Variants in EXT1 observed in about 807,000 individuals in gnomAD.
The protein encoded by EXT1 is exostosin glycosyltransferase 1, also known as exostosin-1.
EXT1 carries 20 observed loss-of-function variants against 82.5 expected under a neutral mutation model. The ratio of observed to expected loss-of-function variants is 0.24; its 90% CI spans 0.17 to 0.35. The LOEUF is 0.35. Ranked by LOEUF, EXT1 falls within the 10% of genes least tolerant of loss-of-function variation. EXT1 has a pLI of 1.00. For synonymous variants in EXT1, 348 were observed against 350.8 expected, an observed-to-expected ratio of 0.99 and a Z score of 0.09; for missense variants, 757 against 936.5, an observed-to-expected ratio of 0.81 and a Z score of 2.50.
intron 1 of EXT1, among the ~76,000 whole-genome samples, chr8:118,096,399 G>T (rs1253783054): frequency 6.6e-6 from 1 of 152,084 alleles, no homozygotes; most frequent in African/African-American, 2.4e-5. Flanking sequence ...GAGGCAGGCG[G>T]ATCACGAGGT....
In EXT1 at chr8:117,837,539, AAAG is replaced by A. The variant is rs1812207258; in HGVS notation, c.963-341_963-339del. On this transcript the variant is annotated intron_variant, in intron 1 of 10. Transcript: ENST00000378204. ...AAAATATGTTGCCCCATAGTCTTAA[AAAG>A]AAGAAGAGAAAATTACTGGTGCTTC... Among the ~76,000 whole-genome samples the A allele has an allele frequency of 3.3e-5, 5 of 152,336 alleles. No homozygotes were observed. In the South Asian group the frequency reaches 1.0e-3, roughly 32 times the overall value.
intron 1 of EXT1, among the ~76,000 whole-genome samples, chr8:117,841,155 G>C (rs575890624): frequency 1.1e-4 from 16 of 152,228 alleles, no homozygotes; most frequent in African/African-American, 3.6e-4. Flanking sequence ...ACCTTAAACT[G>C]GAAACTACCC....
chr8:118,001,048 C>T (rs1376805383), intron 1 of EXT1, among the ~76,000 whole-genome samples: 4 of 152,170 alleles, frequency 2.6e-5, no homozygotes, highest in Non-Finnish European at 4.4e-5. Context: ...ATAAAATATA[C>T]GATCAACCCA....
At chr8:118,025,990 C>A (rs1215868210) in intron 1 of EXT1, among the ~76,000 whole-genome samples, 1 of 152,108 alleles carries the variant, frequency 6.6e-6, no homozygotes, top group Non-Finnish European at 1.5e-5. Flanking sequence ...CAAAGGCTCA[C>A]GCAGAAAAGG....
At chr8:117,849,874 G>A (rs186164503) in intron 1 of EXT1, among the ~76,000 whole-genome samples, 10 of 152,228 alleles carry the variant, frequency 6.6e-5, no homozygotes, top group East Asian at 1.9e-4. Context: ...TTTTCTTTGC[G>A]TCCCAAATTA....
At chr8:118,070,125 C>T (rs751894001) in intron 1 of EXT1, among the ~76,000 whole-genome samples, 2 of 152,008 alleles carry the variant, frequency 1.3e-5, no homozygotes, top group Non-Finnish European at 1.5e-5. Context: ...TAATGTAACA[C>T]CGATGGTGCG....
At chr8:117,925,957 A>G (rs530490923) in intron 1 of EXT1, among the ~76,000 whole-genome samples, 1 of 152,230 alleles carries the variant, frequency 6.6e-6, no homozygotes, top group East Asian at 1.9e-4. Flanking sequence ...ATCCTGCAAT[A>G]GCCGTTTCGC....
intron 1 of EXT1, among the ~76,000 whole-genome samples, chr8:118,096,947 T>A (rs910057854): frequency 1.3e-5 from 2 of 152,200 alleles, no homozygotes; most frequent in Admixed American, 6.5e-5. Context: ...AATGTAAATT[T>A]TTTTCATTTA....
At chr8:117,809,742 A>G (rs1394877301) in intron 8 of EXT1, among the ~76,000 whole-genome samples, 1 of 151,992 alleles carries the variant, frequency 6.6e-6, no homozygotes, top group African/African-American at 2.4e-5. Flanking sequence ...GTAGCAGGGG[A>G]TGGTGAGCAT....
chr8:118,069,494 A>G (rs1304170408), intron 1 of EXT1, among the ~76,000 whole-genome samples: 1 of 152,192 alleles, frequency 6.6e-6, no homozygotes, highest in East Asian at 1.9e-4. Flanking sequence ...ACATTCTCTT[A>G]TGAAGCAGAT....
At chr8:118,004,886 ATTT>A (rs553303725) in intron 1 of EXT1, among the ~76,000 whole-genome samples, 158 of 152,282 alleles carry the variant, frequency 1.0e-3, no homozygotes, top group African/African-American at 3.7e-3. Flanking sequence ...TGAGGCCAGA[ATTT>A]TTCATTCACA....
chr8:118,030,908 T>C (rs953285673), intron 1 of EXT1, among the ~76,000 whole-genome samples: 9 of 152,172 alleles, frequency 5.9e-5, no homozygotes, highest in Admixed American at 5.9e-4. Flanking sequence ...AAAGGGATAC[T>C]TGGTTCACTT....
chr8:118,006,929 C>T (rs1273489961), intron 1 of EXT1, among the ~76,000 whole-genome samples: 1 of 152,218 alleles, frequency 6.6e-6, no homozygotes, highest in Non-Finnish European at 1.5e-5. Context: ...ATTTTCCTAC[C>T]TAAGCACTGA....
At chr8:117,936,081 T>C (rs557629045) in intron 1 of EXT1, among the ~76,000 whole-genome samples, 1 of 152,170 alleles carries the variant, frequency 6.6e-6, no homozygotes, top group Non-Finnish European at 1.5e-5. Flanking sequence ...AATTCCATAT[T>C]CACTCAAGTA....
intron 8 of EXT1, among the ~76,000 whole-genome samples, chr8:117,812,457 C>T (rs918334612): frequency 6.6e-6 from 1 of 152,160 alleles, no homozygotes; most frequent in Non-Finnish European, 1.5e-5. Flanking sequence ...ATAGAGTCTC[C>T]TAACTGAGGC....
chr8:118,084,983 T>C (rs1817391701), intron 1 of EXT1, among the ~76,000 whole-genome samples: 1 of 152,222 alleles, frequency 6.6e-6, no homozygotes, highest in Admixed American at 6.5e-5. Context: ...ACACAATCCA[T>C]ATTGTATTAC....
At position 117,948,858 on chromosome 8, in the gene EXT1, T is replaced by A. The variant is rs115395982; in HGVS notation, c.963-111657A>T. 7.9e-3 allele frequency among the ~76,000 whole-genome samples: 1,202 copies of A among 152,362 alleles called. 15 individuals are homozygous for A. Among genetic ancestry groups the A allele is most frequent in the African/African-American group, 0.028 (1,156 of 41,596 alleles). On this transcript the variant is annotated intron_variant, in intron 1 of 10. Coordinates refer to ENST00000378204, the MANE Select transcript of EXT1 (RefSeq NM_000127.3). Reference sequence around the variant, plus strand: ...TATGCTGAGATATTTTTCCTGTTTATCTACTTATGTTTTGGGTTGTTGGTT... The same window carrying A: ...TATGCTGAGATATTTTTCCTGTTTAACTACTTATGTTTTGGGTTGTTGGTT...
At chr8:118,052,608 A>C (rs528381340) in intron 1 of EXT1, among the ~76,000 whole-genome samples, 1 of 152,326 alleles carries the variant, frequency 6.6e-6, no homozygotes, top group South Asian at 2.1e-4. Context: ...AGAGGTAAAA[A>C]AACAAACAAA....
rs893519286 is a variant in EXT1, at chr8:117,796,742, T to A, written c.*2970A>T. 6.6e-6 allele frequency: 1 copy of A among 152,184 alleles called. No individual in the cohort carries two copies. The highest frequency in any genetic ancestry group is 1.5e-5 in the Non-Finnish European group (1 of 68,028). The allele number at this position is 152,184 out of a possible 1,614,324, so 9.4% of individuals were successfully genotyped here. A position where few individuals can be genotyped will look rare whatever the true frequency, so the allele number is the denominator to read the frequency against. ...TATGCTATCTTTTGTGGTATGACTA[T>A]CGTGATTATTTCATGGATTTTTCTC... On this transcript the variant is annotated 3_prime_UTR_variant, in exon 11 of 11. Transcript: ENST00000378204.
Sources: allele counts gnomAD v4.1 joint callset (sites outside exome capture counted in the v4.1 genomes callset), GRCh38; gene constraint gnomAD v4.1.1; transcripts MANE v1.5; gene names NCBI Gene and HGNC (gene_info 2026-07-23, HGNC 2026-07-21).